The following OR7A5 variants were observed in gnomAD, a reference collection of about 807,000 sequenced individuals.
OR7A5 encodes olfactory receptor family 7 subfamily A member 5, also known as olfactory receptor 7A5.
For synonymous variants in OR7A5, 140 were observed against 146.7 expected (o/e 0.95, Z 0.33); for missense variants, 319 against 377.9 (o/e 0.84, Z 1.29).
chr19:14,834,379 G>A (rs1382592877), intron 1 of OR7A5, among the ~76,000 whole-genome samples: 2 of 152,126 alleles, frequency 1.3e-5, no homozygotes, highest in African/African-American at 4.8e-5. Flanking sequence ...GATATTCTGG[G>A]CTAGATCACT....
chr19:14,827,371 T>C lies in OR7A5; in HGVS notation c.871A>G (p.Ser291Gly). The change falls in exon 2 of 2, where the codon AGT (serine) becomes GGT (glycine). Residue 291 changes from serine to glycine, a missense_variant. Physicochemically the swap from Ser to Gly is moderately conservative, Grantham distance 56. Coordinates refer to ENST00000322301, the MANE Select transcript of OR7A5 (RefSeq NM_017506.2). ...CTCTTTATGTCTTTATTCCTCAGAC[T>C]ATAGATAAAGGGGTTCAGCATGGGG... ...VTPMLNPFIY[S>G]LRNKDIKRAL... 3.7e-6 allele frequency: 6 copies of C among 1,612,042 alleles called. No individual in the cohort carries two copies. Among genetic ancestry groups the C allele is most frequent in the Non-Finnish European group, 5.1e-6 (6 of 1,179,326 alleles).
chr19:14,832,624 AC>A (rs1458244322), intron 1 of OR7A5, among the ~76,000 whole-genome samples: 1 of 151,012 alleles, frequency 6.6e-6, no homozygotes, highest in Non-Finnish European at 1.5e-5. Context: ...TCGGGGTTTC[AC>A]CATGTTGGCC....
intron 1 of OR7A5, among the ~76,000 whole-genome samples, chr19:14,831,885 ACTATT>A (rs1178267236): frequency 6.6e-6 from 1 of 152,056 alleles, no homozygotes; most frequent in Non-Finnish European, 1.5e-5. Context: ...ACACGTCATG[ACTATT>A]CTATTCTATT....
At chr19:14,831,476 G>C (rs10417499) in intron 1 of OR7A5, among the ~76,000 whole-genome samples, 1 of 151,606 alleles carries the variant, frequency 6.6e-6, no homozygotes, top group South Asian at 2.1e-4. Context: ...ACAGAGTCTC[G>C]CTCTGTCGCC....
Position 14,827,881 on chromosome 19 carries a change from C to T in OR7A5, c.361G>A (p.Asp121Asn). The stretch of plus-strand genomic sequence containing the variant: ...GGGTGACAGATGGCCACAAACCGGT[C>T]ATAGGCCATCACGGACAGGAGGAAG... ...ENFLLSVMAY[D>N]RFVAICHPLH... Residue 121 changes from aspartate (D) to asparagine (N), a missense_variant, in exon 2 of 2, where the codon GAC becomes AAC. Asp to Asn is a conservative substitution (Grantham distance 23, BLOSUM62 1). Coordinates refer to ENST00000322301, the MANE Select transcript of OR7A5 (RefSeq NM_017506.2). 2 of 1,614,162 alleles carry T rather than the reference C, an allele frequency of 1.2e-6. No homozygotes were observed. Among genetic ancestry groups the T allele is most frequent in the South Asian group, 1.1e-5 (1 of 91,078 alleles).
chr19:14,827,716 G>A lies in OR7A5; in HGVS notation c.526C>T (p.His176Tyr). The stretch of plus-strand genomic sequence containing the variant: ...ACCTGATTAAGTTCACAGAAAAAGT[G>A]GGGGATTTCTAAGGCTGTGCAGAAG... ...LSFCTALEIP[H>Y]FFCELNQVIQ... Residue 176 changes from histidine to tyrosine, a missense_variant, in exon 2 of 2, where the codon CAC becomes TAC. Coordinates refer to ENST00000322301, the MANE Select transcript of OR7A5 (RefSeq NM_017506.2). 1 of 1,614,142 alleles carries A rather than the reference G, an allele frequency of 6.2e-7. No homozygotes were observed. Among genetic ancestry groups the A allele is most frequent in the Non-Finnish European group, 8.5e-7 (1 of 1,180,002 alleles).
intron 1 of OR7A5, among the ~76,000 whole-genome samples, chr19:14,833,821 CGG>C (rs1470605934): frequency 7.6e-6 from 1 of 132,366 alleles, no homozygotes; most frequent in Non-Finnish European, 1.7e-5. Flanking sequence ...TCAGCCTGAG[CGG>C]GGATGGAGTG....
chr19:14,835,181 A>G lies in OR7A5; in HGVS notation c.-121T>C, dbSNP rs1190924977. ...TGCTCAGCAGACTAGGCAGCAGGAA[A>G]GAGTCAAGCATCTGTCTCTGAGCTA... is the stretch of plus-strand genomic sequence containing the variant. On this transcript the variant is annotated 5_prime_UTR_variant, in exon 1 of 2. Transcript: ENST00000322301. 2 of 152,354 alleles carry G rather than the reference A, an allele frequency of 1.3e-5. No homozygotes were observed. The highest frequency in any genetic ancestry group is 1.9e-4 in the East Asian group (1 of 5,186). 9.4% of individuals were successfully genotyped at this position (152,354 alleles called of 1,614,324 possible). A position where few individuals can be genotyped will look rare whatever the true frequency, so the allele number is the denominator to read the frequency against.
At chr19:14,830,635 T>C (rs1188182704) in intron 1 of OR7A5, among the ~76,000 whole-genome samples, 1 of 152,210 alleles carries the variant, frequency 6.6e-6, no homozygotes, top group Non-Finnish European at 1.5e-5. Flanking sequence ...ACAATAGTAT[T>C]TAATTATGTC....
At chr19:14,834,859 T>A (rs1182263498) in intron 1 of OR7A5, among the ~76,000 whole-genome samples, 1 of 152,222 alleles carries the variant, frequency 6.6e-6, no homozygotes, top group East Asian at 1.9e-4. Context: ...TCAATAGTCG[T>A]CACCCTTGCA....
intron 1 of OR7A5, among the ~76,000 whole-genome samples, chr19:14,828,997 A>G (rs2044804691): frequency 6.6e-6 from 1 of 152,114 alleles, no homozygotes; most frequent in African/African-American, 2.4e-5. Context: ...CTTGGAAAAT[A>G]AACAAAGCAG....
chr19:14,829,074 C>G (rs1030277441), intron 1 of OR7A5, among the ~76,000 whole-genome samples: 5 of 152,116 alleles, frequency 3.3e-5, no homozygotes, highest in South Asian at 2.1e-4. Flanking sequence ...GATTATTATT[C>G]AAGACCTGCA....
Position 14,828,113 on chromosome 19 carries a change from C to A in OR7A5, c.129G>T (p.Leu43=). ...CTGAGATTGTGGCCAGGATGATGAGCAGGTTCCCGAGCACAGTGACCAGGT... is the reference window on the plus strand; with the variant it reads ...CTGAGATTGTGGCCAGGATGATGAGAAGGTTCCCGAGCACAGTGACCAGGT... ...SMYLVTVLGN[L]LIILATISDS... Residue 43 remains leucine, a synonymous_variant, in exon 2 of 2, where the codon CTG becomes CTT. Transcript: ENST00000322301. The A allele has an allele frequency of 6.2e-7, 1 of 1,614,086 alleles. No individual in the cohort carries two copies. Among genetic ancestry groups the A allele is most frequent in the Non-Finnish European group, 8.5e-7 (1 of 1,180,012 alleles).
rs372154766 is a variant in OR7A5, at chr19:14,826,525, A to T, written c.*757T>A. On this transcript the variant is annotated 3_prime_UTR_variant, in exon 2 of 2. Transcript: ENST00000322301. ...ATAAATAAACTTATATATGGGCACT[A>T]AGCTTCCATACTTCAATGAGTCCAT... The T allele has an allele frequency of 7.9e-5, 12 of 152,260 alleles. No individual in the cohort carries two copies. Among genetic ancestry groups the T allele is most frequent in the African/African-American group, 2.9e-4 (12 of 41,558 alleles). 9.4% of individuals were successfully genotyped at this position (152,260 alleles called of 1,614,324 possible). A position where few individuals can be genotyped will look rare whatever the true frequency, so the allele number is the denominator to read the frequency against.
intron 1 of OR7A5, among the ~76,000 whole-genome samples, chr19:14,833,995 C>CCGGGTACTCTAATTTTGGTGACAGAA (rs1555696582): frequency 1.3e-5 from 2 of 152,126 alleles, no homozygotes; most frequent in East Asian, 3.8e-4. Flanking sequence ...CGTGGTGGCA[C>CCGGGTACTCTAATTTTGGTGACAGAA]ACGTCTGCAA....
Position 14,827,303 on chromosome 19 carries a change from T to C in OR7A5, c.939A>G (p.Gln313=), listed in dbSNP as rs1159294088. The change falls in exon 2 of 2, where the codon CAA becomes CAG. Residue 313 remains glutamine (Q), a synonymous_variant. Transcript: ENST00000322301. ...GCAATCATGGGCACTTCTTGAAAAA[T>C]TGCCCTTTCATTGTTCCCCACAACA... The part of the protein sequence containing the change: ...IHLLWGTMKG[Q]FFKKCP 4 of 1,553,006 alleles carry C rather than the reference T, an allele frequency of 2.6e-6. No homozygotes were observed. Among genetic ancestry groups the C allele is most frequent in the African/African-American group, 1.4e-5 (1 of 72,902 alleles).
chr19:14,832,189 C>T (rs1237541316), intron 1 of OR7A5, among the ~76,000 whole-genome samples: 1 of 152,176 alleles, frequency 6.6e-6, no homozygotes, highest in Non-Finnish European at 1.5e-5. Flanking sequence ...GAATTATAGG[C>T]ATGAGTCACC....
At chr19:14,832,998 T>G (rs2044849170) in intron 1 of OR7A5, among the ~76,000 whole-genome samples, 1 of 152,202 alleles carries the variant, frequency 6.6e-6, no homozygotes, top group African/African-American at 2.4e-5. Flanking sequence ...TCAGTTATTA[T>G]TTGCTGAATG....
At chr19:14,830,886 C>A (rs2044825350) in intron 1 of OR7A5, among the ~76,000 whole-genome samples, 1 of 152,110 alleles carries the variant, frequency 6.6e-6, no homozygotes, top group African/African-American at 2.4e-5. Context: ...TATCACCTGA[C>A]CCTCAGCTGA....
Sources: allele counts gnomAD v4.1 joint callset (sites outside exome capture counted in the v4.1 genomes callset), GRCh38; gene constraint gnomAD v4.1.1; transcripts MANE v1.5; gene names NCBI Gene and HGNC (gene_info 2026-07-23, HGNC 2026-07-21).